Variants in CNTNAP4 observed in about 807,000 individuals in gnomAD.
CNTNAP4 encodes contactin associated protein family member 4.
CNTNAP4 carries 98 observed loss-of-function variants against 148.4 expected under a neutral mutation model. The ratio of observed to expected loss-of-function variants is 0.66; its 90% CI spans 0.56 to 0.78. CNTNAP4 has a LOEUF of 0.78. Ranked by LOEUF, CNTNAP4 falls within the 30% of genes least tolerant of loss-of-function variation. The pLI, the probability that CNTNAP4 is intolerant of heterozygous loss-of-function variation, is 0.00. For missense variants in CNTNAP4, 1,935 were observed against 1,565.6 expected (o/e 1.24, Z -3.98); for synonymous variants, 730 against 565.1 (o/e 1.29, Z -4.14).
Position 76,334,141 on chromosome 16 carries a change from C to G in CNTNAP4, c.196+17618C>G, listed in dbSNP as rs530680342. Among the ~76,000 whole-genome samples, 816 of 151,442 alleles carry G rather than the reference C, an allele frequency of 5.4e-3. 5 individuals carry two copies. The highest frequency in any genetic ancestry group is 0.014 in the African/African-American group (563 of 41,264). ...GCACATGTATACATGTGTAACAAAC[C>G]TGCACGTTGTGCACATGTACCCTAA... On this transcript the variant is annotated intron_variant, in intron 2 of 23. Coordinates refer to ENST00000611870, the MANE Select transcript of CNTNAP4 (RefSeq NM_033401.5).
At chr16:76,370,157 A>G (rs2014630190) in intron 3 of CNTNAP4, among the ~76,000 whole-genome samples, 1 of 152,198 alleles carries the variant, frequency 6.6e-6, no homozygotes, top group African/African-American at 2.4e-5. Flanking sequence ...GATAGAATAA[A>G]GCGTACCTTG....
chr16:76,334,079 C>A (rs535859558), intron 2 of CNTNAP4, among the ~76,000 whole-genome samples: 31 of 151,762 alleles, frequency 2.0e-4, no homozygotes, highest in Admixed American at 5.3e-4. Flanking sequence ...ATACCTAACA[C>A]TAAATGACGA....
At chr16:76,484,336 C>T (rs1003441265) in intron 12 of CNTNAP4, among the ~76,000 whole-genome samples, 5 of 143,834 alleles carry the variant, frequency 3.5e-5, no homozygotes, top group Non-Finnish European at 4.5e-5. Flanking sequence ...AAAGGTGCTT[C>T]ATTCAGCAAG....
At chr16:76,410,745 A>G (rs2144913744) in intron 3 of CNTNAP4, among the ~76,000 whole-genome samples, 1 of 151,874 alleles carries the variant, frequency 6.6e-6, no homozygotes, top group East Asian at 1.9e-4. Flanking sequence ...AACCCAAAAT[A>G]ACACACCATC....
intron 12 of CNTNAP4, among the ~76,000 whole-genome samples, chr16:76,483,806 A>G (rs1272353616): frequency 6.6e-6 from 1 of 152,184 alleles, no homozygotes; most frequent in Non-Finnish European, 1.5e-5. Flanking sequence ...AAATTTTTGC[A>G]GCTCTGTTTG....
At chr16:76,455,982 G>C (rs1453622433) in intron 8 of CNTNAP4, among the ~76,000 whole-genome samples, 1 of 152,144 alleles carries the variant, frequency 6.6e-6, no homozygotes, top group Non-Finnish European at 1.5e-5. Context: ...ATGTGGTTTA[G>C]GCTGGAAGAC....
chr16:76,442,845 C>A (rs1018102390), intron 4 of CNTNAP4, among the ~76,000 whole-genome samples: 3 of 152,072 alleles, frequency 2.0e-5, no homozygotes, highest in African/African-American at 7.2e-5. Context: ...TTGGTGGAGA[C>A]AAACCACATC....
intron 7 of CNTNAP4, among the ~76,000 whole-genome samples, chr16:76,450,979 A>G (rs1039683): frequency 0.36 from 55,132 of 152,058 alleles, 10,950 homozygotes; most frequent in Middle Eastern, 0.52. Flanking sequence ...ACTTACAGAC[A>G]TTTTCAGCCT....
chr16:76,490,683 G>T (rs1057409890), intron 13 of CNTNAP4, among the ~76,000 whole-genome samples: 3 of 152,144 alleles, frequency 2.0e-5, no homozygotes, highest in Admixed American at 6.5e-5. Context: ...AAGAAACACA[G>T]TTCTATTTAA....
chr16:76,370,238 G>GTGTGGGTTTGATA (rs1555535205), intron 3 of CNTNAP4, among the ~76,000 whole-genome samples: 13 of 151,850 alleles, frequency 8.6e-5, no homozygotes, highest in African/African-American at 3.2e-4. Flanking sequence ...ATATATAGCT[G>GTGTGGGTTTGATA]TGTGGGTTTC....
At chr16:76,336,982 C>G (rs1285501130) in intron 2 of CNTNAP4, among the ~76,000 whole-genome samples, 1 of 152,166 alleles carries the variant, frequency 6.6e-6, no homozygotes, top group Non-Finnish European at 1.5e-5. Context: ...GGAAGCCACC[C>G]ATGCAGATCA....
chr16:76,337,056 A>C lies in CNTNAP4; in HGVS notation c.197-18262A>C, dbSNP rs576249697. Among the ~76,000 whole-genome samples, 8 of 152,360 alleles carry C rather than the reference A, an allele frequency of 5.3e-5. No individual in the cohort carries two copies. In the South Asian group the frequency reaches 1.7e-3, roughly 32 times the overall value. On this transcript the variant is annotated intron_variant, in intron 2 of 23. Transcript: ENST00000611870. ...ATTGCAAATACTAAACTATCTTCTC[A>C]TAAAACAACCTGAAATATTCATGAA...
At chr16:76,540,599 A>T in intron 20 of CNTNAP4, 104 bp from the exon 21 acceptor site, 1 of 728,322 alleles carries the variant, frequency 1.4e-6, no homozygotes, top group Non-Finnish European at 2.2e-6. Context: ...GGCCATGCTA[A>T]CAACTGCTTA....
intron 16 of CNTNAP4, among the ~76,000 whole-genome samples, chr16:76,521,723 A>T (rs1360214383): frequency 6.6e-6 from 1 of 152,202 alleles, no homozygotes; most frequent in African/African-American, 2.4e-5. Context: ...GTACAATGCC[A>T]GTTGCTATTT....
chr16:76,460,682 G>A (rs2080912049), intron 8 of CNTNAP4, among the ~76,000 whole-genome samples: 1 of 141,828 alleles, frequency 7.1e-6, no homozygotes. Flanking sequence ...GAACCTGGGA[G>A]GCAGAGCTTG....
intron 7 of CNTNAP4, among the ~76,000 whole-genome samples, 192 bp from the exon 8 acceptor site, chr16:76,452,316 A>C (rs924109950): frequency 8.5e-5 from 13 of 152,324 alleles, no homozygotes; most frequent in African/African-American, 3.1e-4. Context: ...TAAAGTTGAG[A>C]AATGGAGAGA....
chr16:76,437,638 C>G (rs1290633417), intron 4 of CNTNAP4, among the ~76,000 whole-genome samples: 1 of 151,916 alleles, frequency 6.6e-6, no homozygotes, highest in Admixed American at 6.6e-5. Flanking sequence ...ACATAAAGAC[C>G]CAACTCCTTA....
intron 3 of CNTNAP4, among the ~76,000 whole-genome samples, chr16:76,375,595 A>T (rs962146396): frequency 2.0e-5 from 3 of 152,144 alleles, no homozygotes; most frequent in African/African-American, 7.2e-5. Context: ...AGTCCTTGTG[A>T]ATCATTCTCT....
rs1380691701 is a variant in CNTNAP4 at position 76,560,097 on chromosome 16, T to G, written c.*1414T>G. Among the ~76,000 whole-genome samples the G allele has an allele frequency of 2.6e-5, 4 of 152,156 alleles. No individual in the cohort carries two copies. Among genetic ancestry groups the G allele is most frequent in the Non-Finnish European group, 5.9e-5 (4 of 68,014 alleles). On this transcript the variant is annotated 3_prime_UTR_variant, in exon 24 of 24. Transcript: ENST00000611870. ...GTTACAATAATTAATCTTGAGACCA[T>G]GCATACAAGGAACTATCTTTGAATT... is the stretch of plus-strand genomic sequence containing the variant.
Sources: allele counts gnomAD v4.1 joint callset (sites outside exome capture counted in the v4.1 genomes callset), GRCh38; gene constraint gnomAD v4.1.1; transcripts MANE v1.5; gene names NCBI Gene and HGNC (gene_info 2026-07-23, HGNC 2026-07-21).